Variants in SNTG1 observed in about 807,000 individuals in gnomAD.
SNTG1 encodes the protein syntrophin gamma 1.
A neutral mutation model predicts 74.7 loss-of-function variants in SNTG1; 39 were observed. The ratio of observed to expected loss-of-function variants is 0.52; its 90% CI spans 0.40 to 0.68. The LOEUF is 0.68. Ranked by LOEUF, SNTG1 falls within the 30% of genes least tolerant of loss-of-function variation. The probability of loss-of-function intolerance (pLI) is 0.00; values close to 1 mark genes in which losing one functional copy is unlikely to be tolerated. For synonymous variants in SNTG1, 254 were observed against 217.1 expected (o/e 1.17, Z -1.49); for missense variants, 685 against 609.5 (o/e 1.12, Z -1.30).
chr8:50,481,710 A>G (rs2093742048), intron 8 of SNTG1, among the ~76,000 whole-genome samples: 1 of 152,234 alleles, frequency 6.6e-6, no homozygotes, highest in East Asian at 1.9e-4. Flanking sequence ...CTCATCAATA[A>G]TTGGAATAAA....
intron 1 of SNTG1, among the ~76,000 whole-genome samples, chr8:49,929,429 A>AT (rs1394120930): frequency 6.6e-6 from 1 of 152,202 alleles, no homozygotes; most frequent in East Asian, 1.9e-4. Flanking sequence ...CTGATTTAGG[A>AT]TTGATTATGG....
chr8:50,075,940 T>A (rs2131038781), intron 1 of SNTG1, among the ~76,000 whole-genome samples: 1 of 152,192 alleles, frequency 6.6e-6, no homozygotes, highest in South Asian at 2.1e-4. Flanking sequence ...CTTTAAGAAC[T>A]GTAACACTCA....
chr8:50,067,731 G>A (rs1403378836), intron 1 of SNTG1, among the ~76,000 whole-genome samples: 2 of 152,154 alleles, frequency 1.3e-5, no homozygotes, highest in Non-Finnish European at 2.9e-5. Flanking sequence ...CTTGGCTGAT[G>A]TCTTCAGCAT....
At chr8:50,554,198 T>C (rs1190956765) in intron 12 of SNTG1, among the ~76,000 whole-genome samples, 4 of 152,168 alleles carry the variant, frequency 2.6e-5, no homozygotes, top group Admixed American at 6.5e-5. Context: ...AACTGTCTAG[T>C]TTCCAGTCTA....
intron 18 of SNTG1, among the ~76,000 whole-genome samples, chr8:50,786,896 T>C (rs941613476): frequency 6.6e-6 from 1 of 151,662 alleles, no homozygotes. Context: ...GAAGAAAACA[T>C]GGGATTAAAT....
At chr8:50,766,272 T>C (rs1180353278) in intron 18 of SNTG1, among the ~76,000 whole-genome samples, 3 of 152,032 alleles carry the variant, frequency 2.0e-5, no homozygotes, top group Non-Finnish European at 4.4e-5. Context: ...TACCAGACTT[T>C]AGATAGGTAA....
At chr8:50,045,770 T>C (rs1273580316) in intron 1 of SNTG1, among the ~76,000 whole-genome samples, 1 of 152,218 alleles carries the variant, frequency 6.6e-6, no homozygotes, top group African/African-American at 2.4e-5. Flanking sequence ...ATCCTATGGA[T>C]ATGTGATTCT....
chr8:50,077,796 A>G (rs1007761762), intron 1 of SNTG1, among the ~76,000 whole-genome samples: 1 of 152,122 alleles, frequency 6.6e-6, no homozygotes, highest in African/African-American at 2.4e-5. Context: ...AATGAATATC[A>G]TAAAGACTTT....
At chr8:50,501,396 G>C (rs2093951441) in intron 8 of SNTG1, among the ~76,000 whole-genome samples, 1 of 145,546 alleles carries the variant, frequency 6.9e-6, no homozygotes, top group Non-Finnish European at 1.5e-5. Context: ...GTACTTCTTG[G>C]GGAGGAGCAG....
At chr8:50,156,780 A>C (rs1458470984) in intron 1 of SNTG1, among the ~76,000 whole-genome samples, 1 of 152,124 alleles carries the variant, frequency 6.6e-6, no homozygotes, top group East Asian at 1.9e-4. Flanking sequence ...AGGCGCTGAC[A>C]TCATTATTAA....
At chr8:50,282,543 C>T (rs1051115287) in intron 2 of SNTG1, among the ~76,000 whole-genome samples, 1 of 152,098 alleles carries the variant, frequency 6.6e-6, no homozygotes. Flanking sequence ...CCAAGGGTCT[C>T]TGTTAGCTAT....
chr8:50,596,669 C>T (rs913077354), intron 13 of SNTG1, among the ~76,000 whole-genome samples: 14 of 151,916 alleles, frequency 9.2e-5, no homozygotes, highest in African/African-American at 2.7e-4. Flanking sequence ...AATACAAAAC[C>T]GTCTTGAATA....
chr8:50,008,901 G>A (rs1015074949), intron 1 of SNTG1, among the ~76,000 whole-genome samples: 4 of 152,084 alleles, frequency 2.6e-5, no homozygotes, highest in Non-Finnish European at 5.9e-5. Context: ...ATATTAAAGA[G>A]GCATCTTGAC....
At chr8:50,686,709 G>T (rs1346010038) in intron 15 of SNTG1, among the ~76,000 whole-genome samples, 2 of 151,912 alleles carry the variant, frequency 1.3e-5, no homozygotes, top group Non-Finnish European at 2.9e-5. Flanking sequence ...ATGTTTTCAG[G>T]TATAAAGTAG....
intron 12 of SNTG1, among the ~76,000 whole-genome samples, chr8:50,574,954 C>T (rs2094568718): frequency 6.6e-6 from 1 of 152,140 alleles, no homozygotes; most frequent in Non-Finnish European, 1.5e-5. Flanking sequence ...TGGTTAAGAT[C>T]ACATTAATGG....
chr8:50,116,769 C>T (rs1198747777), intron 1 of SNTG1, among the ~76,000 whole-genome samples: 1 of 152,110 alleles, frequency 6.6e-6, no homozygotes, highest in Non-Finnish European at 1.5e-5. Flanking sequence ...GCAGGGGCTG[C>T]TGCTCCTATT....
chr8:50,780,361 AT>A (rs1190910600), intron 18 of SNTG1, among the ~76,000 whole-genome samples: 1 of 152,168 alleles, frequency 6.6e-6, no homozygotes, highest in Non-Finnish European at 1.5e-5. Context: ...TAAGCTATTG[AT>A]TATTGCCACA....
At chr8:50,173,073 C>T (rs1355606390) in intron 2 of SNTG1, among the ~76,000 whole-genome samples, 1 of 149,630 alleles carries the variant, frequency 6.7e-6, no homozygotes, top group Non-Finnish European at 1.5e-5. Flanking sequence ...AGACACTCAA[C>T]AATGGGGAGT....
intron 15 of SNTG1, among the ~76,000 whole-genome samples, chr8:50,698,982 T>C (rs575769121): frequency 1.3e-5 from 2 of 152,296 alleles, no homozygotes; most frequent in East Asian, 3.9e-4. Context: ...TTTTGGAGTT[T>C]CTTCGTGTGT....
Sources: allele counts gnomAD v4.1 joint callset (sites outside exome capture counted in the v4.1 genomes callset), GRCh38; gene constraint gnomAD v4.1.1; transcripts MANE v1.5; gene names NCBI Gene and HGNC (gene_info 2026-07-23, HGNC 2026-07-21).